Variants in PCDH15 observed in about 807,000 individuals in gnomAD.
The protein encoded by PCDH15 is protocadherin related 15.
PCDH15 carries 129 observed loss-of-function variants against 178.5 expected under a neutral mutation model. The observed-to-expected ratio is 0.72, with a 90% CI of 0.63 to 0.84. The LOEUF is 0.84. PCDH15 is among the 40% of genes least tolerant of loss of function. The pLI is 0.00. For synonymous variants in PCDH15, 800 were observed against 732.0 expected, an observed-to-expected ratio of 1.09 and a Z score of -1.50; for missense variants, 2,230 against 2,099.9, an observed-to-expected ratio of 1.06 and a Z score of -1.21.
chr10:54,629,181 T>C (rs1229646705), intron 2 of PCDH15, among the ~76,000 whole-genome samples: 1 of 152,120 alleles, frequency 6.6e-6, no homozygotes, highest in African/African-American at 2.4e-5. Flanking sequence ...AGTAAAACTC[T>C]GAGAAAACAT....
At chr10:54,737,484 G>A (rs1944270386) in intron 1 of PCDH15, among the ~76,000 whole-genome samples, 1 of 152,088 alleles carries the variant, frequency 6.6e-6, no homozygotes, top group South Asian at 2.1e-4. Flanking sequence ...AAAAGGTAAT[G>A]AGTTAGTAAA....
chr10:55,388,094 G>A (rs1160984758), intron 2 of PCDH15, among the ~76,000 whole-genome samples: 4 of 151,942 alleles, frequency 2.6e-5, no homozygotes, highest in South Asian at 2.1e-4. Flanking sequence ...AGTGGTCTGC[G>A]GAATAGATGA....
chr10:53,950,851 T>C (rs2086965225), intron 23 of PCDH15, among the ~76,000 whole-genome samples: 1 of 152,210 alleles, frequency 6.6e-6, no homozygotes, highest in Non-Finnish European at 1.5e-5. Context: ...AACTAATTTC[T>C]AAAATATATA....
intron 2 of PCDH15, among the ~76,000 whole-genome samples, chr10:55,042,260 A>C (rs116538738): frequency 0.014 from 2,130 of 152,268 alleles, 48 homozygotes; most frequent in African/African-American, 0.048. Flanking sequence ...AACAAATTAT[A>C]TTGCAAATAT....
chr10:54,047,820 T>C (rs2093686885), intron 18 of PCDH15, among the ~76,000 whole-genome samples: 2 of 152,198 alleles, frequency 1.3e-5, no homozygotes, highest in Non-Finnish European at 2.9e-5. Flanking sequence ...CCACCATTGT[T>C]GGGCATCTAG....
At chr10:54,211,043 A>C (rs1271299553) in intron 10 of PCDH15, among the ~76,000 whole-genome samples, 2 of 152,122 alleles carry the variant, frequency 1.3e-5, no homozygotes, top group Non-Finnish European at 2.9e-5. Context: ...CTGAAGTATA[A>C]ATATATCAAC....
At chr10:54,021,728 T>A (rs1451019426) in intron 19 of PCDH15, among the ~76,000 whole-genome samples, 3 of 151,926 alleles carry the variant, frequency 2.0e-5, no homozygotes, top group African/African-American at 4.8e-5. Context: ...CCCTTTGTAC[T>A]GAGGACCTAC....
intron 16 of PCDH15, among the ~76,000 whole-genome samples, chr10:54,088,166 A>G (rs2094544488): frequency 6.6e-6 from 1 of 152,186 alleles, no homozygotes; most frequent in Non-Finnish European, 1.5e-5. Context: ...TTACATGGCC[A>G]CATAAATTTA....
intron 2 of PCDH15, among the ~76,000 whole-genome samples, chr10:55,365,399 G>A (rs868481616): frequency 4.1e-4 from 62 of 152,114 alleles, no homozygotes; most frequent in African/African-American, 1.4e-3. Context: ...CACTTGTCTT[G>A]TCATGAGCAG....
At chr10:55,422,138 C>T (rs1199788202) in intron 2 of PCDH15, among the ~76,000 whole-genome samples, 1 of 150,240 alleles carries the variant, frequency 6.7e-6, no homozygotes, top group African/African-American at 2.5e-5. Context: ...TACCCACAGC[C>T]CATAACAACC....
chr10:54,189,366 G>T, intron 11 of PCDH15: 2 of 1,572,412 alleles, frequency 1.3e-6, no homozygotes, highest in Non-Finnish European at 1.7e-6. Context: ...GTACCTACAG[G>T]AACTCCACTG....
chr10:55,147,481 T>C (rs1321157168), intron 2 of PCDH15, among the ~76,000 whole-genome samples: 1 of 151,432 alleles, frequency 6.6e-6, no homozygotes, highest in East Asian at 1.9e-4. Context: ...GGAATGAAAA[T>C]ATTTTGCACG....
chr10:54,960,866 G>A (rs1838627968), intron 2 of PCDH15, among the ~76,000 whole-genome samples: 2 of 152,136 alleles, frequency 1.3e-5, no homozygotes, highest in Admixed American at 6.5e-5. Context: ...AACGTAGGCT[G>A]GTGTATTCCA....
At chr10:55,599,005 C>A (rs183400195) in intron 2 of PCDH15, among the ~76,000 whole-genome samples, 2 of 152,024 alleles carry the variant, frequency 1.3e-5, no homozygotes, top group East Asian at 3.9e-4. Flanking sequence ...CATTTACCCT[C>A]GACAAAAGTA....
At chr10:55,044,594 G>T (rs1166467977) in intron 2 of PCDH15, among the ~76,000 whole-genome samples, 11 of 151,960 alleles carry the variant, frequency 7.2e-5, no homozygotes. Context: ...AATGTAAAAG[G>T]TTCGGTTCCC....
intron 8 of PCDH15, among the ~76,000 whole-genome samples, chr10:54,244,170 A>G (rs11004165): frequency 0.032 from 4,925 of 152,238 alleles, 184 homozygotes; most frequent in African/African-American, 0.094. Flanking sequence ...GACCCCTCCA[A>G]TATCATACTC....
At chr10:53,895,563 A>G (rs1408040365) in intron 26 of PCDH15, among the ~76,000 whole-genome samples, 2 of 152,224 alleles carry the variant, frequency 1.3e-5, no homozygotes, top group African/African-American at 4.8e-5. Context: ...AATGAGATTA[A>G]TCCTCACTGC....
chr10:53,949,014 G>A (rs1589574612), intron 23 of PCDH15, among the ~76,000 whole-genome samples: 1 of 152,186 alleles, frequency 6.6e-6, no homozygotes, highest in Non-Finnish European at 1.5e-5. Context: ...GTATTGAAAA[G>A]TTTGTGCTAA....
chr10:54,344,904 CAAAAAA>C (rs57295345), intron 6 of PCDH15, among the ~76,000 whole-genome samples: 1 of 78,888 alleles, frequency 1.3e-5, no homozygotes, highest in Non-Finnish European at 2.3e-5. Context: ...AGAAACAAAG[CAAAAAA>C]AAAAAAAAAA....
Sources: allele counts gnomAD v4.1 joint callset (sites outside exome capture counted in the v4.1 genomes callset), GRCh38; gene constraint gnomAD v4.1.1; transcripts MANE v1.5; gene names NCBI Gene and HGNC (gene_info 2026-07-23, HGNC 2026-07-21).